Variants in FBXO43 observed in about 807,000 individuals in gnomAD.
FBXO43 encodes the protein F-box protein 43.
FBXO43 carries 22 observed loss-of-function variants against 56.7 expected under a neutral mutation model. The observed-to-expected ratio is 0.39, with a 90% CI of 0.28 to 0.55. The LOEUF (loss-of-function observed/expected upper bound fraction) is 0.55. FBXO43 is among the 20% of genes least tolerant of loss of function. The pLI, the probability that FBXO43 is intolerant of heterozygous loss-of-function variation, is 0.66. For synonymous variants in FBXO43, 306 were observed against 294.5 expected (o/e 1.04, Z -0.40); for missense variants, 733 against 814.9 (o/e 0.90, Z 1.22).
upstream of FBXO43, among the ~76,000 whole-genome samples, chr8:100,149,621 T>A (rs1814884413): frequency 6.6e-6 from 1 of 152,190 alleles, no homozygotes. Flanking sequence ...AACTTAAATC[T>A]CTCAAGCTGG....
chr8:100,138,888 A>G (rs1241035492), intron 2 of FBXO43, among the ~76,000 whole-genome samples: 6 of 152,216 alleles, frequency 3.9e-5, no homozygotes, highest in Non-Finnish European at 5.9e-5. Flanking sequence ...AAATATTTTT[A>G]AAATCCTATA....
chr8:100,141,738 T>C lies in FBXO43; in HGVS notation c.516A>G (p.Gln172=). 1.9e-6 allele frequency: 3 copies of C among 1,596,930 alleles called. No individual in the cohort carries two copies. The highest frequency in any genetic ancestry group is 2.2e-5 in the East Asian group (1 of 44,538). The change falls in exon 2 of 5, where the codon CAA becomes CAG. Residue 172 remains glutamine, a synonymous_variant. Coordinates refer to ENST00000428847, the MANE Select transcript of FBXO43 (RefSeq NM_001029860.4). ...TTATACTACTTTCTAAAGAACTATT[T>C]TGTGATTCAAAGTCCCCTTTTAGAA... ...FALLKGDFES[Q]NSSLESSISQ... is the part of the protein sequence containing the mutation.
chr8:100,148,235 T>C (rs1030606361), upstream of FBXO43, among the ~76,000 whole-genome samples: 1 of 128,762 alleles, frequency 7.8e-6, no homozygotes, highest in Non-Finnish European at 1.7e-5. Context: ...GTCTGAGGAG[T>C]GAAAGACTAT....
Position 100,140,961 on chromosome 8 carries a change from G to T in FBXO43, c.1293C>A (p.Thr431=), listed in dbSNP as rs781241355. The part of the protein sequence containing the change: ...QLSSDESGDL[T]FSLKNLSKTP... The stretch of plus-strand genomic sequence containing the variant: ...TCTTTGATAAATTCTTTAAGCTAAA[G>T]GTCAAATCCCCACTCTCATCACTAC... Residue 431 remains threonine (T), a synonymous_variant, in exon 2 of 5, where the codon ACC becomes ACA. Coordinates refer to ENST00000428847, the MANE Select transcript of FBXO43 (RefSeq NM_001029860.4). 34 of 1,614,054 alleles carry T rather than the reference G, an allele frequency of 2.1e-5. No homozygotes were observed. Among genetic ancestry groups the T allele is most frequent in the African/African-American group, 2.7e-5 (2 of 74,918 alleles).
In FBXO43 at chr8:100,145,234, G is replaced by T. The variant is rs569034982; in HGVS notation, c.-99C>A. On this transcript the variant is annotated 5_prime_UTR_variant, in exon 1 of 5. Transcript: ENST00000428847. The stretch of plus-strand genomic sequence containing the variant: ...TGCTCAAAGTCGAAGGGTACACAGG[G>T]TGCATGCCGCAGGGATTATTCCTAA... The T allele has an allele frequency of 3.2e-4, 288 of 889,924 alleles. No homozygotes were observed. The highest frequency in any genetic ancestry group is 4.5e-4 in the Non-Finnish European group (263 of 590,758). 55.1% of individuals were successfully genotyped at this position (889,924 alleles called of 1,614,324 possible).
At position 100,134,263 on chromosome 8, in the gene FBXO43, C is replaced by G; in HGVS notation, c.1776G>C (p.Gln592His). Residue 592 changes from glutamine (Q) to histidine (H), a missense_variant, in exon 4 of 5, where the codon CAG becomes CAC. By Grantham distance (24) the Gln-to-His change is conservative. Transcript: ENST00000428847. ...VQAQARIPGS[Q>H]REQGSTLSPW... The stretch of plus-strand genomic sequence containing the variant: ...GAGATAATGTTGACCCTTGCTCTCT[C>G]TGAGAACCAGGTATCCTAGCCTGTG... The G allele has an allele frequency of 6.2e-7, 1 of 1,614,170 alleles. No homozygotes were observed. Among genetic ancestry groups the G allele is most frequent in the Non-Finnish European group, 8.5e-7 (1 of 1,180,020 alleles).
In FBXO43 at chr8:100,140,828, C is replaced by T; in HGVS notation, c.1426G>A (p.Ala476Thr). 1 of 1,614,206 alleles carries T rather than the reference C, an allele frequency of 6.2e-7. No individual in the cohort carries two copies. The highest frequency in any genetic ancestry group is 8.5e-7 in the Non-Finnish European group (1 of 1,180,038). ...FLEQGDGEKI[A>T]VLQCILAGLI... ...CCTGCAAGTATACACTGCAGTACAG[C>T]TATTTTCTCCCCATCCCCTTGCTCT... The change falls in exon 2 of 5, where the codon GCT becomes ACT. Residue 476 changes from alanine (A) to threonine (T), a missense_variant. Ala to Thr is a moderately conservative substitution (Grantham distance 58). Transcript: ENST00000428847.
At chr8:100,143,543 G>A (rs1199395268) in intron 1 of FBXO43, among the ~76,000 whole-genome samples, 2 of 152,144 alleles carry the variant, frequency 1.3e-5, no homozygotes, top group Non-Finnish European at 2.9e-5. Context: ...CATCCTCTCA[G>A]ATCACTGCTA....
Position 100,141,888 on chromosome 8 carries a change from G to A in FBXO43, c.366C>T (p.Pro122=). 2.5e-6 allele frequency: 4 copies of A among 1,588,556 alleles called. No homozygotes were observed. The highest frequency in any genetic ancestry group is 3.4e-6 in the Non-Finnish European group (4 of 1,172,374). ...GLGLTHPLES[P]TQKKKCILPR... ...GCAAGATACATTTCTTTTTTTGAGT[G>A]GGAGATTCTAAAGGATGTGTTAAGC... Residue 122 remains proline, a synonymous_variant, in exon 2 of 5, where the codon CCC becomes CCT. Transcript: ENST00000428847.
intron 1 of FBXO43, among the ~76,000 whole-genome samples, chr8:100,143,308 AT>A (rs1814715104): frequency 6.6e-6 from 1 of 152,228 alleles, no homozygotes; most frequent in African/African-American, 2.4e-5. Context: ...AGATCTATTT[AT>A]TGGCTGTAAT....
At chr8:100,134,777 G>A (rs897936143) in intron 3 of FBXO43, among the ~76,000 whole-genome samples, 2 of 152,050 alleles carry the variant, frequency 1.3e-5, no homozygotes, top group Non-Finnish European at 2.9e-5. Context: ...ACAAAAGAGT[G>A]GAGAAAACCA....
chr8:100,141,516 T>C lies in FBXO43; in HGVS notation c.738A>G (p.Glu246=). The C allele has an allele frequency of 6.2e-7, 1 of 1,612,474 alleles. No homozygotes were observed. Among genetic ancestry groups the C allele is most frequent in the Non-Finnish European group, 8.5e-7 (1 of 1,180,026 alleles). The change falls in exon 2 of 5, where the codon GAA becomes GAG. Residue 246 remains glutamate, a synonymous_variant. Transcript: ENST00000428847. ...DDSKDDCSLF[E]VECISPIQGN... ...CCTGAATTGGAGATATACATTCAAC[T>C]TCAAATAGGCTACAATCATCTTTGG...
upstream of FBXO43, among the ~76,000 whole-genome samples, chr8:100,148,861 G>C (rs910031570): frequency 2.6e-5 from 4 of 152,074 alleles, no homozygotes; most frequent in Admixed American, 2.6e-4. Context: ...TGATATTCAA[G>C]CTATCTGGAT....
chr8:100,138,330 G>T (rs192604822), intron 2 of FBXO43, among the ~76,000 whole-genome samples: 1 of 152,178 alleles, frequency 6.6e-6, no homozygotes. Context: ...AAGGAGTAAG[G>T]TCAGAAAAGA....
At chr8:100,150,479 G>C (rs1269363893), upstream of FBXO43, 4 of 152,204 alleles carry the variant, frequency 2.6e-5, no homozygotes, top group African/African-American at 9.7e-5. Context: ...AAAATAGCTG[G>C]GGACCAGGCA....
rs538305503 is a variant in FBXO43 at position 100,142,454 on chromosome 8, T to TA, written c.86-287dup. 5.3e-5 allele frequency among the ~76,000 whole-genome samples: 8 copies of TA among 152,254 alleles called. 1 individual carries two copies. In the South Asian group the frequency reaches 1.7e-3, roughly 32 times the overall value. Reference sequence around the variant, plus strand: ...GCACACATATTTTATTGAGCTACCCTAAAGAGAAAAAAACCTAGAAGCATT... The same window carrying TA: ...GCACACATATTTTATTGAGCTACCCTAAAAGAGAAAAAAACCTAGAAGCATT... On this transcript the variant is annotated intron_variant, in intron 1 of 4. Coordinates refer to ENST00000428847, the MANE Select transcript of FBXO43 (RefSeq NM_001029860.4).
In FBXO43 at chr8:100,133,708, T is replaced by C; in HGVS notation, c.*94A>G. ...AAAATAGGAAATTAATCATCACCTG[T>C]CATTAATGGGAAGATTTGCATGTAT... On this transcript the variant is annotated 3_prime_UTR_variant, in exon 5 of 5. Transcript: ENST00000428847. The C allele has an allele frequency of 7.9e-7, 1 of 1,264,846 alleles. No individual in the cohort carries two copies. Among genetic ancestry groups the C allele is most frequent in the Non-Finnish European group, 1.1e-6 (1 of 922,024 alleles). 78.4% of individuals were successfully genotyped at this position (1,264,846 alleles called of 1,614,324 possible). A position where few individuals can be genotyped will look rare whatever the true frequency, so the allele number is the denominator to read the frequency against.
chr8:100,150,195 G>A (rs1208640425), upstream of FBXO43, among the ~76,000 whole-genome samples: 1 of 152,188 alleles, frequency 6.6e-6, no homozygotes, highest in Non-Finnish European at 1.5e-5. Flanking sequence ...AAGGTAGGAG[G>A]CAGCTGCCCC....
chr8:100,140,538 G>T, intron 2 of FBXO43, 145 bp downstream of exon 2: 1 of 661,076 alleles, frequency 1.5e-6, no homozygotes, highest in Non-Finnish European at 2.6e-6. Flanking sequence ...TAGCTCTGTT[G>T]GGACGTTCAC....
Sources: allele counts gnomAD v4.1 joint callset (sites outside exome capture counted in the v4.1 genomes callset), GRCh38; gene constraint gnomAD v4.1.1; transcripts MANE v1.5; gene names NCBI Gene and HGNC (gene_info 2026-07-23, HGNC 2026-07-21).